The following EPHA3 variants were observed in gnomAD, a reference collection of about 807,000 sequenced individuals.
EPHA3 encodes the protein EPH receptor A3, also known as ephrin type-A receptor 3.
EPHA3 carries 42 observed loss-of-function variants against 107.1 expected under a neutral mutation model. That is an observed-to-expected ratio of 0.39 (90% confidence interval 0.31 to 0.51). EPHA3 has a LOEUF of 0.51. EPHA3 is among the 20% of genes least tolerant of loss of function. The pLI is 0.78. For synonymous variants in EPHA3, 461 were observed against 424.8 expected (o/e 1.09, Z -1.05); for missense variants, 1,183 against 1,211.2 (o/e 0.98, Z 0.35).
chr3:89,204,472 T>A (rs1431097577), intron 2 of EPHA3, among the ~76,000 whole-genome samples: 1 of 122,426 alleles, frequency 8.2e-6, no homozygotes, highest in African/African-American at 3.4e-5. Flanking sequence ...ATTCTCTGAT[T>A]TGACACACCA....
intron 2 of EPHA3, among the ~76,000 whole-genome samples, chr3:89,169,179 A>G (rs1251555260): frequency 2.0e-5 from 3 of 152,146 alleles, no homozygotes; most frequent in Admixed American, 6.5e-5. Flanking sequence ...TTAAAAGTAT[A>G]AAAAGATGAA....
chr3:89,276,563 A>G (rs958226917), intron 3 of EPHA3, among the ~76,000 whole-genome samples: 9 of 152,116 alleles, frequency 5.9e-5, no homozygotes, highest in Non-Finnish European at 1.3e-4. Flanking sequence ...AAATGTGCAT[A>G]TATATTAAAA....
chr3:89,320,345 T>C (rs1324370053), intron 3 of EPHA3, among the ~76,000 whole-genome samples: 1 of 151,958 alleles, frequency 6.6e-6, no homozygotes, highest in Non-Finnish European at 1.5e-5. Context: ...TATTCTCTAG[T>C]GTCCCAAAGG....
chr3:89,339,996 A>G (rs960931492), intron 3 of EPHA3, among the ~76,000 whole-genome samples: 6 of 152,196 alleles, frequency 3.9e-5, no homozygotes, highest in South Asian at 2.1e-4. Flanking sequence ...TTTAGTTCTC[A>G]ATGTAATTAT....
chr3:89,241,438 A>G (rs1255767858), intron 3 of EPHA3, among the ~76,000 whole-genome samples: 2 of 152,154 alleles, frequency 1.3e-5, no homozygotes, highest in African/African-American at 4.8e-5. Context: ...GCAATCTTGA[A>G]ATAACTATTT....
chr3:89,442,717 C>T (rs938171376), intron 13 of EPHA3, among the ~76,000 whole-genome samples: 1 of 152,044 alleles, frequency 6.6e-6, no homozygotes, highest in Non-Finnish European at 1.5e-5. Flanking sequence ...TTTTCCTGTC[C>T]ATATTGGACT....
In EPHA3 at chr3:89,408,151, T is replaced by G. The variant is rs772838104; in HGVS notation, c.1762+20T>G. ...GGCATTGTAAGTTTCTAAACTTGGC[T>G]TTTTGTTTTGCTTCACCGTTTTAGC... On this transcript the variant is annotated intron_variant, in intron 9 of 16. Coordinates refer to ENST00000336596, the MANE Select transcript of EPHA3 (RefSeq NM_005233.6). 1 of 1,611,402 alleles carries G rather than the reference T, an allele frequency of 6.2e-7. No homozygotes were observed. The highest frequency in any genetic ancestry group is 1.3e-5 in the African/African-American group (1 of 74,948).
chr3:89,232,190 T>C (rs1704652765), intron 3 of EPHA3, among the ~76,000 whole-genome samples: 1 of 152,098 alleles, frequency 6.6e-6, no homozygotes, highest in Admixed American at 6.6e-5. Context: ...ATAACACATA[T>C]TTCCATTTGC....
intron 5 of EPHA3, among the ~76,000 whole-genome samples, chr3:89,393,479 C>A (rs1559678882): frequency 6.6e-6 from 1 of 152,042 alleles, no homozygotes; most frequent in Non-Finnish European, 1.5e-5. Context: ...AGATGCTGTA[C>A]CTGGTTATTT....
At chr3:89,163,332 A>G (rs1704991006) in intron 2 of EPHA3, among the ~76,000 whole-genome samples, 1 of 152,142 alleles carries the variant, frequency 6.6e-6, no homozygotes, top group South Asian at 2.1e-4. Context: ...TATTAACTTG[A>G]TTAACTTTTA....
intron 1 of EPHA3, among the ~76,000 whole-genome samples, chr3:89,109,928 T>C (rs1390457100): frequency 6.6e-6 from 1 of 152,006 alleles, no homozygotes; most frequent in African/African-American, 2.4e-5. Flanking sequence ...TAAGATGATT[T>C]AACTTAGGTA....
At chr3:89,274,334 G>C (rs1319425507) in intron 3 of EPHA3, among the ~76,000 whole-genome samples, 1 of 151,786 alleles carries the variant, frequency 6.6e-6, no homozygotes, top group African/African-American at 2.4e-5. Context: ...CAGTACTCTA[G>C]TATTTTTTGT....
chr3:89,444,722 T>C (rs1709848198), intron 13 of EPHA3, among the ~76,000 whole-genome samples: 2 of 152,156 alleles, frequency 1.3e-5, no homozygotes, highest in African/African-American at 4.8e-5. Context: ...TCATGACAAA[T>C]GACAAAATTT....
At chr3:89,439,762 T>C (rs1441962054) in intron 13 of EPHA3, among the ~76,000 whole-genome samples, 2 of 151,816 alleles carry the variant, frequency 1.3e-5, no homozygotes, top group African/African-American at 4.8e-5. Context: ...CACATATATA[T>C]ATGTATGTAT....
chr3:89,239,910 G>A (rs1704855158), intron 3 of EPHA3, among the ~76,000 whole-genome samples: 1 of 152,130 alleles, frequency 6.6e-6, no homozygotes, highest in South Asian at 2.1e-4. Context: ...ATTAATTTGA[G>A]TGAATTGGTA....
intron 3 of EPHA3, among the ~76,000 whole-genome samples, chr3:89,223,304 A>G (rs1704424553): frequency 6.6e-6 from 1 of 152,200 alleles, no homozygotes; most frequent in Admixed American, 6.6e-5. Flanking sequence ...CTGAAAGGAA[A>G]TGCTGACTCC....
chr3:89,215,616 C>T (rs989579343), intron 3 of EPHA3, among the ~76,000 whole-genome samples: 1 of 151,694 alleles, frequency 6.6e-6, no homozygotes, highest in Non-Finnish European at 1.5e-5. Flanking sequence ...ATTTGAATAC[C>T]TCGTAATGAA....
chr3:89,426,844 T>C (rs1395781680), intron 11 of EPHA3, among the ~76,000 whole-genome samples: 3 of 151,844 alleles, frequency 2.0e-5, no homozygotes, highest in South Asian at 4.1e-4. Flanking sequence ...CTGATGGTGA[T>C]TTATAGAAAG....
chr3:89,208,482 G>GAAAGAAAGAAAGAAAGAAAGAA (rs796550208), intron 2 of EPHA3, among the ~76,000 whole-genome samples: 1 of 127,116 alleles, frequency 7.9e-6, no homozygotes, highest in Non-Finnish European at 1.6e-5. Context: ...AAGAAAGAAA[G>GAAAGAAAGAAAGAAAGAAAGAA]AGAAAAAGAA....
Sources: gnomAD v4.1 joint callset for allele counts (sites outside exome capture counted in the v4.1 genomes callset) on GRCh38, gnomAD v4.1.1 for gene constraint, MANE v1.5 for transcripts, NCBI Gene and HGNC (gene_info 2026-07-23, HGNC 2026-07-21) for gene names.